The following TBC1D10A variants were observed in gnomAD, a reference collection of about 807,000 sequenced individuals.
The protein encoded by TBC1D10A is EBP50-PDX interactor of 64 kDa.
TBC1D10A carries 24 observed loss-of-function variants against 52.9 expected under a neutral mutation model. The ratio of observed to expected loss-of-function variants is 0.45; its 90% CI spans 0.33 to 0.64. The LOEUF (loss-of-function observed/expected upper bound fraction) is 0.64. TBC1D10A is among the 30% of genes least tolerant of loss of function. The probability of loss-of-function intolerance (pLI) is 0.02; values close to 1 mark genes in which losing one functional copy is unlikely to be tolerated. For missense variants in TBC1D10A, 602 were observed against 687.9 expected (o/e 0.88, Z 1.40); for synonymous variants, 278 against 282.9 (o/e 0.98, Z 0.17).
chr22:30,294,178 C>T (rs1930023145), intron 6 of TBC1D10A, 68 bp from the exon 7 acceptor site: 2 of 1,468,768 alleles, frequency 1.4e-6, no homozygotes, highest in Non-Finnish European at 1.8e-6. Flanking sequence ...GACTACACCC[C>T]AGCACCCAGC....
At chr22:30,292,901 C>A in intron 8 of TBC1D10A, 50 bp from the exon 9 acceptor site, 1 of 1,589,508 alleles carries the variant, frequency 6.3e-7, no homozygotes, top group Admixed American at 1.7e-5. Flanking sequence ...AAGGACCTTC[C>A]CCTTCTGCCT....
chr22:30,319,501 G>A (rs1930607764), intron 1 of TBC1D10A, among the ~76,000 whole-genome samples: 1 of 152,166 alleles, frequency 6.6e-6, no homozygotes, highest in Non-Finnish European at 1.5e-5. Context: ...CAGGCTGCTG[G>A]GTCTGCTGAG....
chr22:30,295,254 A>T (rs1302060166), intron 4 of TBC1D10A, among the ~76,000 whole-genome samples, 199 bp from the exon 5 acceptor site: 1 of 152,166 alleles, frequency 6.6e-6, no homozygotes, highest in Non-Finnish European at 1.5e-5. Context: ...GGAGGTGGGG[A>T]AGGTCTCCCC....
chr22:30,325,272 G>A (rs190831739), intron 1 of TBC1D10A, among the ~76,000 whole-genome samples: 1 of 152,244 alleles, frequency 6.6e-6, no homozygotes, highest in Non-Finnish European at 1.5e-5. Flanking sequence ...TAGGGGAGGG[G>A]CCTGGATTTC....
At chr22:30,293,481 A>G in intron 8 of TBC1D10A, 170 bp downstream of exon 8, 1 of 1,020,434 alleles carries the variant, frequency 9.8e-7, no homozygotes. Flanking sequence ...TCTGTGCCCC[A>G]TGCTCTTCAC....
chr22:30,302,951 A>G (rs1018235664), intron 2 of TBC1D10A, among the ~76,000 whole-genome samples: 1 of 152,248 alleles, frequency 6.6e-6, no homozygotes, highest in African/African-American at 2.4e-5. Flanking sequence ...TCAGGCAGGA[A>G]GCAGGTGAGG....
Position 30,304,604 on chromosome 22 carries a change from A to C in TBC1D10A, c.236T>G (p.Leu79Arg). The stretch of plus-strand genomic sequence containing the variant: ...CAGCCACTTGGACTCCCTCTGCCTC[A>C]GCACCTCCAGGGGTACTTCCTCCAG... ...GALEEVPLEV[L>R]RQRESKWLDM... The change falls in exon 2 of 9, where the codon CTG becomes CGG. Residue 79 changes from leucine to arginine, a missense_variant. Coordinates refer to ENST00000215790, the MANE Select transcript of TBC1D10A (RefSeq NM_031937.3). The C allele has an allele frequency of 6.2e-7, 1 of 1,613,988 alleles. No homozygotes were observed. The highest frequency in any genetic ancestry group is 8.5e-7 in the Non-Finnish European group (1 of 1,179,928).
chr22:30,299,429 G>A lies in TBC1D10A; in HGVS notation c.417+15C>T, dbSNP rs1197293495. 1 of 1,613,100 alleles carries A rather than the reference G, an allele frequency of 6.2e-7. No individual in the cohort carries two copies. The highest frequency in any genetic ancestry group is 1.3e-5 in the African/African-American group (1 of 74,936). On this transcript the variant is annotated intron_variant, in intron 3 of 8. Coordinates refer to ENST00000215790, the MANE Select transcript of TBC1D10A (RefSeq NM_031937.3). ...GATGCGGAAGGGAGGGCAGGGCAAA[G>A]GAAGGGAAACTTACGTCAAACTTTC...
In TBC1D10A at chr22:30,292,779, T is replaced by C. The variant is rs1929978546; in HGVS notation, c.1123A>G (p.Thr375Ala). Reference protein sequence around the residue: ...HLIQLRRWQETRGELQCRSPP... With the variant: ...HLIQLRRWQEARGELQCRSPP... ...GAGCGGCACTGCAGCTCACCCCGGG[T>C]CTCCTGCCAGCGCCGCAGCTGAATG... The change falls in exon 9 of 9, where the codon ACC (threonine) becomes GCC (alanine). Residue 375 changes from threonine to alanine, a missense_variant. Physicochemically the swap from Thr to Ala is moderately conservative, Grantham distance 58. Around this residue, in one of 3 missense-constraint regions of TBC1D10A, gnomAD observed 265 missense variants for 275.1 expected, o/e 0.96. Coordinates refer to ENST00000215790, the MANE Select transcript of TBC1D10A (RefSeq NM_031937.3). The C allele has an allele frequency of 6.2e-7, 1 of 1,612,034 alleles. No homozygotes were observed.
chr22:30,326,358 G>T (rs879529865), intron 1 of TBC1D10A, among the ~76,000 whole-genome samples: 2 of 151,932 alleles, frequency 1.3e-5, no homozygotes, highest in Non-Finnish European at 2.9e-5. Flanking sequence ...GGGTGGGTTT[G>T]GGGCAGTCTG....
At chr22:30,317,253 C>G (rs906195653) in intron 1 of TBC1D10A, among the ~76,000 whole-genome samples, 2 of 150,822 alleles carry the variant, frequency 1.3e-5, no homozygotes, top group African/African-American at 4.9e-5. Flanking sequence ...ACTAAAAATG[C>G]AAAAATTAGC....
intron 1 of TBC1D10A, among the ~76,000 whole-genome samples, chr22:30,325,161 G>A (rs1236211916): frequency 2.0e-5 from 3 of 152,212 alleles, no homozygotes; most frequent in Non-Finnish European, 2.9e-5. Context: ...GGTTCAGAAT[G>A]AGGGGTGCTC....
chr22:30,316,213 T>C (rs545196129), intron 1 of TBC1D10A, among the ~76,000 whole-genome samples: 9 of 152,284 alleles, frequency 5.9e-5, no homozygotes, highest in Admixed American at 6.5e-5. Context: ...CAGCCTGGTA[T>C]GGTAGTTCAT....
intron 1 of TBC1D10A, among the ~76,000 whole-genome samples, chr22:30,317,051 A>G (rs1930552672): frequency 6.6e-6 from 1 of 152,036 alleles, no homozygotes; most frequent in Non-Finnish European, 1.5e-5. Flanking sequence ...AAAAACAAAC[A>G]CACATACACA....
rs181500001 is a variant in TBC1D10A, at chr22:30,324,383, G to C, written c.209+2290C>G. Among the ~76,000 whole-genome samples, 14 of 152,286 alleles carry C rather than the reference G, an allele frequency of 9.2e-5. No individual in the cohort carries two copies. The East Asian group carries it at 1.5e-3, about 17-fold the overall frequency. ...AACATCGAAGCTTTCAGATACCAGA[G>C]ATTTTAGGTTGACTGACAGGCTCCA... is the stretch of plus-strand genomic sequence containing the variant. On this transcript the variant is annotated intron_variant, in intron 1 of 8. Transcript: ENST00000215790.
intron 1 of TBC1D10A, among the ~76,000 whole-genome samples, chr22:30,307,462 C>T (rs945820812): frequency 9.2e-5 from 14 of 152,156 alleles, no homozygotes; most frequent in African/African-American, 3.4e-4. Flanking sequence ...GCTTTCTTCC[C>T]CACCTTATGC....
At position 30,299,505 on chromosome 22, in the gene TBC1D10A, C is replaced by T. The variant is rs748252342; in HGVS notation, c.356G>A (p.Arg119His). ...GCCTCCTGACAGGTACTGCCAAGCA[C>T]GGCCCCGCAGAGAAGGCGGGATGCC... ...QKGIPPSLRGRAWQYLSGGKV... is the reference protein window; with the variant it reads ...QKGIPPSLRGHAWQYLSGGKV... Residue 119 changes from arginine to histidine, a missense_variant, in exon 3 of 9, where the codon CGT becomes CAT. Transcript: ENST00000215790. The T allele has an allele frequency of 9.3e-6, 15 of 1,614,212 alleles. No homozygotes were observed. In the South Asian group the frequency reaches 1.1e-4, roughly 12 times the overall value.
intron 2 of TBC1D10A, among the ~76,000 whole-genome samples, chr22:30,300,008 A>T (rs1930168686): frequency 6.6e-6 from 1 of 151,928 alleles, no homozygotes; most frequent in Admixed American, 6.6e-5. Context: ...TACCATGCCA[A>T]TCCTATGGTG....
chr22:30,323,127 A>G (rs1930692876), intron 1 of TBC1D10A, among the ~76,000 whole-genome samples: 1 of 151,820 alleles, frequency 6.6e-6, no homozygotes, highest in Non-Finnish European at 1.5e-5. Context: ...CTGGTCTCGA[A>G]TTCCTGAACT....
Sources: gnomAD v4.1 joint callset for allele counts (sites outside exome capture counted in the v4.1 genomes callset) on GRCh38, gnomAD v4.1.1 for gene constraint, gnomAD v4.1.1 regional missense constraint, MANE v1.5 for transcripts, NCBI Gene and HGNC (gene_info 2026-07-23, HGNC 2026-07-21) for gene names.